CACNA1C: variants seen among roughly 807,000 people sequenced by gnomAD.
CACNA1C encodes the protein calcium voltage-gated channel subunit alpha1 C.
Under a neutral mutation model 229.0 loss-of-function variants are expected in CACNA1C, and 30 were observed. The ratio of observed to expected loss-of-function variants is 0.13; its 90% confidence interval spans 0.10 to 0.18. CACNA1C has a LOEUF of 0.18. CACNA1C is among the 10% of genes least tolerant of loss of function. The probability of loss-of-function intolerance (pLI) is 1.00; values close to 1 mark genes in which losing one functional copy is unlikely to be tolerated. For synonymous variants in CACNA1C, 1,114 were observed against 1,132.5 expected, an observed-to-expected ratio of 0.98 and a Z score of 0.33; for missense variants, 1,658 against 2,845.0, an observed-to-expected ratio of 0.58 and a Z score of 9.49.
In CACNA1C at chr12:2,595,784, A is replaced by C; in HGVS notation, c.2664-90A>C. ...AAGCACCTGTTGCCAGCTGCTGGGGAGAGCTGAGGAGAGGGGCTCCCAAGA... is the reference window on the plus strand; with the variant it reads ...AAGCACCTGTTGCCAGCTGCTGGGGCGAGCTGAGGAGAGGGGCTCCCAAGA... On this transcript the variant is annotated intron_variant, in intron 19 of 46. Coordinates refer to ENST00000399655, the MANE Select transcript of CACNA1C (RefSeq NM_000719.7). The surrounding 1 kb of genome is among the most constrained non-coding windows in gnomAD (Gnocchi z 4.1). 17 of 1,245,432 alleles carry C rather than the reference A, an allele frequency of 1.4e-5. No homozygotes were observed. The highest frequency in any genetic ancestry group is 3.0e-5 in the African/African-American group (2 of 67,298). The allele number at this position is 1,245,432 out of a possible 1,614,324, so 77.1% of individuals were successfully genotyped here. A position where few individuals can be genotyped will look rare whatever the true frequency, so the allele number is the denominator to read the frequency against.
chr12:2,021,483 A>G (rs1005179534), intron 1 of CACNA1C, among the ~76,000 whole-genome samples: 1 of 152,158 alleles, frequency 6.6e-6, no homozygotes, highest in African/African-American at 2.4e-5. Flanking sequence ...GTTTGAGACC[A>G]GCCTGGCCAA....
At position 2,319,488 on chromosome 12, in the gene CACNA1C, C is replaced by A. The variant is rs528058139; in HGVS notation, c.478-129488C>A. ...CCACGCCACAGCCCCAGGCCCCAGG[C>A]CCCTGACACCCTGGCTCCGAACCCC... On this transcript the variant is annotated intron_variant, in intron 3 of 46. Transcript: ENST00000399655. This position sits in a 1 kb window ranked among gnomAD's most constrained non-coding sequence, Gnocchi z 4.0. 1.3e-5 allele frequency among the ~76,000 whole-genome samples: 2 copies of A among 152,254 alleles called. No homozygotes were observed.
chr12:2,337,986 C>T (rs1327936601), intron 3 of CACNA1C, among the ~76,000 whole-genome samples: 1 of 152,224 alleles, frequency 6.6e-6, no homozygotes, highest in Non-Finnish European at 1.5e-5. Context: ...TCTGCTTCAG[C>T]ACCTGGAATG....
At chr12:2,544,643 A>T (rs1446450706) in intron 9 of CACNA1C, among the ~76,000 whole-genome samples, 2 of 152,234 alleles carry the variant, frequency 1.3e-5, no homozygotes, top group African/African-American at 2.4e-5. Flanking sequence ...TATTCCTATT[A>T]TGTAAAACTC....
intron 3 of CACNA1C, among the ~76,000 whole-genome samples, chr12:2,321,059 A>G (rs34105921): frequency 0.033 from 4,967 of 152,332 alleles, 179 homozygotes; most frequent in African/African-American, 0.085. Context: ...CAGTTGCTGC[A>G]TTATGGAAAA....
chr12:2,627,745 C>G (rs573663124), intron 29 of CACNA1C, among the ~76,000 whole-genome samples: 2 of 152,330 alleles, frequency 1.3e-5, no homozygotes, highest in East Asian at 3.9e-4. Context: ...GTTCCTACCC[C>G]TGTCTCCAAG....
chr12:2,074,581 G>A (rs2062499001), intron 1 of CACNA1C, among the ~76,000 whole-genome samples: 1 of 152,150 alleles, frequency 6.6e-6, no homozygotes, highest in Non-Finnish European at 1.5e-5. Flanking sequence ...TTTCCATCCA[G>A]GGAGTACTGT....
At chr12:2,232,303 G>T (rs933058098) in intron 3 of CACNA1C, among the ~76,000 whole-genome samples, 1 of 147,010 alleles carries the variant, frequency 6.8e-6, no homozygotes. Flanking sequence ...GAAGAATCCG[G>T]GTCAGTTATC....
rs936983032 is a variant in CACNA1C at position 2,601,410 on chromosome 12, G to A, written c.2854-444G>A. On this transcript the variant is annotated intron_variant, in intron 21 of 46. Transcript: ENST00000399655. This position sits in a 1 kb window ranked among gnomAD's most constrained non-coding sequence, Gnocchi z 5.9. ...CCCGCCCCCCAACCCACCCACTCAC[G>A]GCAGATGTCTGGTGCTCTCAGCTGG... Among the ~76,000 whole-genome samples, 17 of 148,146 alleles carry A rather than the reference G, an allele frequency of 1.1e-4. No individual in the cohort carries two copies. Among genetic ancestry groups the A allele is most frequent in the Admixed American group, 1.3e-4 (2 of 14,950 alleles).
At chr12:2,303,434 C>T (rs560204772) in intron 3 of CACNA1C, among the ~76,000 whole-genome samples, 187 of 152,186 alleles carry the variant, frequency 1.2e-3, no homozygotes, top group Non-Finnish European at 2.4e-3. Context: ...GGATAGGATC[C>T]GCCCTCATGC....
At chr12:2,105,456 G>T (rs1335904705) in intron 1 of CACNA1C, among the ~76,000 whole-genome samples, 2 of 152,320 alleles carry the variant, frequency 1.3e-5, no homozygotes, top group East Asian at 3.9e-4. Context: ...AGCAGGATGG[G>T]GGAGAGGAGG....
At position 2,647,741 on chromosome 12, in the gene CACNA1C, G is replaced by A. The variant is rs979785930; in HGVS notation, c.3913-734G>A. On this transcript the variant is annotated intron_variant, in intron 30 of 46. Transcript: ENST00000399655. The surrounding 1 kb of genome is among the most constrained non-coding windows in gnomAD (Gnocchi z 4.2). ...CAAGGATAGGCTCTGGGGTCAGCAA[G>A]GCCTCTGTCCTTCAGCTGGCCCTGC... Among the ~76,000 whole-genome samples, 7 of 152,212 alleles carry A rather than the reference G, an allele frequency of 4.6e-5. No homozygotes were observed. Among genetic ancestry groups the A allele is most frequent in the African/African-American group, 1.7e-4 (7 of 41,462 alleles).
chr12:2,541,046 G>C (rs573644845), intron 9 of CACNA1C, among the ~76,000 whole-genome samples: 10 of 152,214 alleles, frequency 6.6e-5, no homozygotes, highest in Non-Finnish European at 1.2e-4. Context: ...TCTTCACATC[G>C]TCTTCCCTCT....
chr12:2,680,058 T>A (rs1293473836), intron 42 of CACNA1C, among the ~76,000 whole-genome samples: 1 of 152,196 alleles, frequency 6.6e-6, no homozygotes, highest in Non-Finnish European at 1.5e-5. Context: ...CTCCCACACT[T>A]CCTGAGTGGC....
At chr12:2,399,610 C>T (rs146437336) in intron 3 of CACNA1C, among the ~76,000 whole-genome samples, 2 of 152,226 alleles carry the variant, frequency 1.3e-5, no homozygotes, top group South Asian at 2.1e-4. Context: ...CTTCTCTTCT[C>T]TCCTTCTCTG....
Position 2,566,407 on chromosome 12 carries a change from C to A in CACNA1C, c.1509-15C>A. 1 of 1,578,276 alleles carries A rather than the reference C, an allele frequency of 6.3e-7. No homozygotes were observed. The highest frequency in any genetic ancestry group is 8.6e-7 in the Non-Finnish European group (1 of 1,161,608). On this transcript the variant is annotated splice_polypyrimidine_tract_variant and intron_variant, in intron 11 of 46. Transcript: ENST00000399655. This position sits in a 1 kb window ranked among gnomAD's most constrained non-coding sequence, Gnocchi z 4.0. ...CACAGCCAACCCCACCCTTCTCTCC[C>A]TGTCCCCTTTCCAGCCGCTACTGGC...
intron 1 of CACNA1C, chr12:2,004,128 C>T: frequency 9.1e-7 from 1 of 1,093,214 alleles, no homozygotes; most frequent in South Asian, 1.5e-5. Context: ...CCCCCGAGAC[C>T]CCATCTCCAC....
At chr12:2,033,547 G>A (rs2048582795) in intron 1 of CACNA1C, among the ~76,000 whole-genome samples, 1 of 152,144 alleles carries the variant, frequency 6.6e-6, no homozygotes, top group Non-Finnish European at 1.5e-5. Flanking sequence ...GGGGCTTGGG[G>A]GCATTGTGTT....
At chr12:2,240,804 C>T (rs1046215792) in intron 3 of CACNA1C, among the ~76,000 whole-genome samples, 2 of 152,066 alleles carry the variant, frequency 1.3e-5, no homozygotes, top group East Asian at 3.9e-4. Flanking sequence ...CCCTCTCCCC[C>T]ACCCCCTGAC....
Sources: allele counts gnomAD v4.1 joint callset (sites outside exome capture counted in the v4.1 genomes callset), GRCh38; gene constraint gnomAD v4.1.1; non-coding constraint Gnocchi (gnomAD v3.1); transcripts MANE v1.5; gene names NCBI Gene and HGNC (gene_info 2026-07-23, HGNC 2026-07-21).